Variants in AGTPBP1 observed in about 807,000 individuals in gnomAD.
The protein encoded by AGTPBP1 is ATP/GTP binding carboxypeptidase 1.
A neutral mutation model predicts 143.9 loss-of-function variants in AGTPBP1; 70 were observed. The ratio of observed to expected loss-of-function variants is 0.49; its 90% CI spans 0.40 to 0.59. The LOEUF (loss-of-function observed/expected upper bound fraction) is 0.59. Ranked by LOEUF, AGTPBP1 falls within the 20% of genes least tolerant of loss-of-function variation. The pLI is 0.00. For missense variants in AGTPBP1, 1,229 were observed against 1,464.5 expected, an observed-to-expected ratio of 0.84 and a Z score of 2.62; for synonymous variants, 463 against 500.2, an observed-to-expected ratio of 0.93 and a Z score of 0.99.
chr9:85,715,265 G>C (rs1837633808), intron 1 of AGTPBP1, among the ~76,000 whole-genome samples: 3 of 151,170 alleles, frequency 2.0e-5, no homozygotes, highest in African/African-American at 4.9e-5. Context: ...AAGAAAAAAA[G>C]AAATAAAGCA....
intron 14 of AGTPBP1, among the ~76,000 whole-genome samples, chr9:85,630,880 T>G (rs910502493): frequency 2.6e-5 from 4 of 152,182 alleles, no homozygotes; most frequent in African/African-American, 9.7e-5. Flanking sequence ...CTGAGCAGTG[T>G]GAGCCCCTGG....
the AGTPBP1 span, among the ~76,000 whole-genome samples, chr9:85,747,502 G>A: frequency 6.6e-6 from 1 of 152,114 alleles, no homozygotes; most frequent in East Asian, 1.9e-4. Flanking sequence ...CCTTATCCAC[G>A]AGCATGGGAA....
intron 17 of AGTPBP1, among the ~76,000 whole-genome samples, chr9:85,603,502 C>T (rs888086106): frequency 3.9e-5 from 6 of 152,192 alleles, no homozygotes; most frequent in African/African-American, 1.4e-4. Flanking sequence ...CTTGAATAAA[C>T]ATCAGTGGTA....
intron 25 of AGTPBP1, among the ~76,000 whole-genome samples, chr9:85,554,819 A>G (rs1201341228): frequency 6.6e-6 from 1 of 152,212 alleles, no homozygotes; most frequent in African/African-American, 2.4e-5. Flanking sequence ...TAATAATTGT[A>G]ATTAATATGT....
chr9:85,786,712 T>C, the AGTPBP1 span: 1 of 1,146,390 alleles, frequency 8.7e-7, no homozygotes, highest in South Asian at 1.8e-5. Context: ...TCCCTAATTC[T>C]TTTATATGCT....
In AGTPBP1 at chr9:85,660,924, T is replaced by C. The variant is rs1195651968; in HGVS notation, c.700+12A>G. The C allele has an allele frequency of 1.3e-6, 2 of 1,564,644 alleles. No homozygotes were observed. The highest frequency in any genetic ancestry group is 1.7e-6 in the Non-Finnish European group (2 of 1,154,978). Reference sequence around the variant, plus strand: ...AAATAGTATCTAGTATTTCTAGTATTTAAAAACTTACTTGATTTTAGCAAT... The same window carrying C: ...AAATAGTATCTAGTATTTCTAGTATCTAAAAACTTACTTGATTTTAGCAAT... On this transcript the variant is annotated intron_variant, in intron 9 of 25. Coordinates refer to ENST00000357081, the MANE Select transcript of AGTPBP1 (RefSeq NM_001330701.2).
chr9:85,669,014 TACACACACAC>T (rs139321417), intron 8 of AGTPBP1, among the ~76,000 whole-genome samples: 1 of 120,514 alleles, frequency 8.3e-6, no homozygotes, highest in African/African-American at 3.0e-5. Flanking sequence ...TGTGTATACA[TACACACACAC>T]ACACACACAC....
chr9:85,710,202 T>C (rs1015327073), intron 2 of AGTPBP1, among the ~76,000 whole-genome samples: 3 of 152,138 alleles, frequency 2.0e-5, no homozygotes, highest in Admixed American at 6.5e-5. Context: ...CTCATTTTCT[T>C]CAATACACTG....
At chr9:85,734,352 C>A (rs1839095386) in intron 1 of AGTPBP1, among the ~76,000 whole-genome samples, 1 of 151,918 alleles carries the variant, frequency 6.6e-6, no homozygotes, top group Admixed American at 6.6e-5. Flanking sequence ...AAGTCCAGTT[C>A]TTTTCAACTC....
At chr9:85,704,994 C>A in intron 2 of AGTPBP1, among the ~76,000 whole-genome samples, 1 of 150,478 alleles carries the variant, frequency 6.6e-6, no homozygotes, top group African/African-American at 2.4e-5. Flanking sequence ...TAAAAAGTAT[C>A]CAAAATAAAA....
chr9:85,569,492 C>T (rs1246279882), intron 25 of AGTPBP1, among the ~76,000 whole-genome samples: 1 of 152,072 alleles, frequency 6.6e-6, no homozygotes, highest in African/African-American at 2.4e-5. Context: ...GGCTTAAAAG[C>T]AGCAAGTATA....
the AGTPBP1 span, among the ~76,000 whole-genome samples, chr9:85,781,706 AG>A: frequency 1.3e-5 from 2 of 152,222 alleles, no homozygotes; most frequent in Non-Finnish European, 2.9e-5. Context: ...TCACAAAAAA[AG>A]ATGTATGGTA....
chr9:85,677,628 A>C lies in AGTPBP1; in HGVS notation c.290-46T>G, dbSNP rs753206312. 9.8e-6 allele frequency: 14 copies of C among 1,435,310 alleles called. No homozygotes were observed. In the East Asian group the frequency reaches 1.6e-4, roughly 16 times the overall value. 88.9% of individuals were successfully genotyped at this position (1,435,310 alleles called of 1,614,324 possible). A position where few individuals can be genotyped will look rare whatever the true frequency, so the allele number is the denominator to read the frequency against. On this transcript the variant is annotated intron_variant, in intron 5 of 25. Coordinates refer to ENST00000357081, the MANE Select transcript of AGTPBP1 (RefSeq NM_001330701.2). ...AAATTTAAACAACAAATTAAAAAAA[A>C]ATTAACAAATTTAAACAAACATATT...
At chr9:85,624,759 T>C (rs1362257949) in intron 14 of AGTPBP1, among the ~76,000 whole-genome samples, 1 of 152,178 alleles carries the variant, frequency 6.6e-6, no homozygotes, top group East Asian at 1.9e-4. Flanking sequence ...AAATGAAAAG[T>C]CTCACTTATT....
Position 85,585,653 on chromosome 9 carries a change from G to A in AGTPBP1, c.3034-59C>T, listed in dbSNP as rs550717574. 2.7e-4 allele frequency: 375 copies of A among 1,385,584 alleles called. 2 individuals carry two copies. In the African/African-American group the frequency reaches 5.1e-3, roughly 19 times the overall value. 85.8% of individuals were successfully genotyped at this position (1,385,584 alleles called of 1,614,324 possible). ...TCAAGTTCATATGTTGCTAAGTAAAGGTAGTTAATATCAAGCCAATAAACA... is the reference window on the plus strand; with the variant it reads ...TCAAGTTCATATGTTGCTAAGTAAAAGTAGTTAATATCAAGCCAATAAACA... On this transcript the variant is annotated intron_variant, in intron 22 of 25. Coordinates refer to ENST00000357081, the MANE Select transcript of AGTPBP1 (RefSeq NM_001330701.2).
chr9:85,685,111 T>A (rs1483805844), intron 3 of AGTPBP1, among the ~76,000 whole-genome samples: 1 of 151,516 alleles, frequency 6.6e-6, no homozygotes, highest in Non-Finnish European at 1.5e-5. Flanking sequence ...TTAAAAGATA[T>A]AAGCCTCAAC....
intron 3 of AGTPBP1, among the ~76,000 whole-genome samples, chr9:85,684,945 C>T (rs1222669705): frequency 6.6e-6 from 1 of 150,648 alleles, no homozygotes; most frequent in Non-Finnish European, 1.5e-5. Context: ...ATAGAAACTA[C>T]AAAAGCAAAA....
At chr9:85,781,172 T>G in the AGTPBP1 span, 1 of 1,470,070 alleles carries the variant, frequency 6.8e-7, no homozygotes, top group Non-Finnish European at 9.0e-7. Flanking sequence ...TATTTAAAAC[T>G]GATTTTAAAT....
chr9:85,645,662 AT>A (rs1408134573), intron 12 of AGTPBP1, among the ~76,000 whole-genome samples: 1 of 152,052 alleles, frequency 6.6e-6, no homozygotes, highest in African/African-American at 2.4e-5. Flanking sequence ...CTCCTCCCCC[AT>A]AAAAAAAACC....
Sources: allele counts gnomAD v4.1 joint callset (sites outside exome capture counted in the v4.1 genomes callset), GRCh38; gene constraint gnomAD v4.1.1; transcripts MANE v1.5; gene names NCBI Gene and HGNC (gene_info 2026-07-23, HGNC 2026-07-21).